The following RNASEH2B variants were observed in gnomAD, a reference collection of about 807,000 sequenced individuals.
RNASEH2B encodes the protein ribonuclease H2 subunit B.
A neutral mutation model predicts 45.0 loss-of-function variants in RNASEH2B; 36 were observed. That is an observed-to-expected ratio of 0.80 (90% CI 0.61 to 1.06). The LOEUF (loss-of-function observed/expected upper bound fraction) is 1.06. Among genes scored for constraint, RNASEH2B ranks in the 50% least tolerant of loss-of-function variants. The pLI is 0.00. For synonymous variants in RNASEH2B, 119 were observed against 125.7 expected, an observed-to-expected ratio of 0.95 and a Z score of 0.35; for missense variants, 361 against 360.3, an observed-to-expected ratio of 1.00 and a Z score of -0.02.
downstream of RNASEH2B, among the ~76,000 whole-genome samples, chr13:50,957,013 C>A (rs1035603598): frequency 4.0e-5 from 6 of 151,204 alleles, no homozygotes; most frequent in African/African-American, 1.5e-4. Context: ...ACTTCAATCT[C>A]CCATTTCTTC....
Position 50,909,867 on chromosome 13 carries a change from G to C in RNASEH2B, c.-210G>C, listed in dbSNP as rs112702177. On this transcript the variant is annotated 5_prime_UTR_variant, in exon 1 of 11. Coordinates refer to ENST00000336617, the MANE Select transcript of RNASEH2B (RefSeq NM_024570.4). Reference sequence around the variant, plus strand: ...CACCGGCCGGCATTCAGAGCCCCTCGCCTGGCGCTAAATTTAAAAACGTAA... The same window carrying C: ...CACCGGCCGGCATTCAGAGCCCCTCCCCTGGCGCTAAATTTAAAAACGTAA... 11,821 of 433,218 alleles carry C rather than the reference G, an allele frequency of 0.027. 203 individuals are homozygous for C. Among genetic ancestry groups the C allele is most frequent in the South Asian group, 0.049 (1,121 of 23,084 alleles). 26.8% of individuals were successfully genotyped at this position (433,218 alleles called of 1,614,324 possible). A position where few individuals can be genotyped will look rare whatever the true frequency, so the allele number is the denominator to read the frequency against.
chr13:50,920,397 G>A (rs994860185), intron 1 of RNASEH2B, among the ~76,000 whole-genome samples: 1 of 152,130 alleles, frequency 6.6e-6, no homozygotes, highest in African/African-American at 2.4e-5. Context: ...AATGGTGACC[G>A]GTGGGATATA....
chr13:50,937,594 T>C (rs180903604), intron 5 of RNASEH2B: 7 of 152,256 alleles, frequency 4.6e-5, no homozygotes, highest in African/African-American at 1.4e-4. Context: ...TAAGAAGATA[T>C]TGGAAAATCA....
At chr13:50,910,193 C>T in intron 1 of RNASEH2B, 53 bp downstream of exon 1, 1 of 1,284,998 alleles carries the variant, frequency 7.8e-7, no homozygotes, top group Non-Finnish European at 1.0e-6. Context: ...GCGGAGCGGC[C>T]CGCGACCCCG....
In RNASEH2B at chr13:50,943,409, T is replaced by C; in HGVS notation, c.510+15T>C. The C allele has an allele frequency of 6.4e-7, 1 of 1,554,402 alleles. No homozygotes were observed. The highest frequency in any genetic ancestry group is 8.9e-7 in the Non-Finnish European group (1 of 1,125,600). ...TGGAAAAAAAGGTATAGTTCCTCTC[T>C]AGTGCCTTGTGGTAAAAGTAAAAAT... On this transcript the variant is annotated intron_variant, in intron 6 of 10. Coordinates refer to ENST00000336617, the MANE Select transcript of RNASEH2B (RefSeq NM_024570.4).
At chr13:50,912,727 T>TA (rs1735065464) in intron 1 of RNASEH2B, 1 of 152,184 alleles carries the variant, frequency 6.6e-6, no homozygotes, top group Admixed American at 6.5e-5. Context: ...TTTTCAAAAG[T>TA]ATTTGGCGGA....
intron 9 of RNASEH2B, 136 bp from the exon 10 acceptor site, chr13:50,953,769 A>C: frequency 3.0e-6 from 2 of 662,708 alleles, no homozygotes; most frequent in Non-Finnish European, 5.4e-6. Context: ...AGCCTGTAAA[A>C]AGTAAGCCCT....
chr13:50,956,248 A>C (rs1321139098), intron 10 of RNASEH2B, 110 bp from the exon 11 acceptor site: 7 of 871,396 alleles, frequency 8.0e-6, no homozygotes, highest in Non-Finnish European at 1.3e-5. Context: ...TTAGTGGGGG[A>C]TGCTTACCTT....
exon 10 of RNASEH2B, chr13:50,970,410 G>A (rs572999385): frequency 7.9e-5 from 23 of 292,358 alleles, no homozygotes; most frequent in South Asian, 2.7e-4. Context: ...ATACCTAAAC[G>A]TTGGCATTTT....
chr13:50,922,678 G>A (rs1311138287), intron 1 of RNASEH2B, among the ~76,000 whole-genome samples: 1 of 152,210 alleles, frequency 6.6e-6, no homozygotes, highest in East Asian at 1.9e-4. Context: ...AAATCCTGGG[G>A]AGTTGGGAGA....
At chr13:50,960,240 T>G (rs543278047), downstream of RNASEH2B, 9 of 628,894 alleles carry the variant, frequency 1.4e-5, no homozygotes, top group Non-Finnish European at 2.0e-5. Flanking sequence ...ATGGAAAAAT[T>G]TTCCATTTTA....
At chr13:50,930,925 A>G (rs1951673980) in intron 4 of RNASEH2B, 166 bp downstream of exon 4, 3 of 670,472 alleles carry the variant, frequency 4.5e-6, no homozygotes, top group Admixed American at 2.1e-5. Context: ...ACAGAGCACT[A>G]CTGCACAGGC....
exon 10 of RNASEH2B, chr13:50,970,097 G>A (rs1197025634): frequency 3.7e-6 from 3 of 809,956 alleles, no homozygotes; most frequent in South Asian, 3.0e-5. Flanking sequence ...AGCGCTGACT[G>A]TAAATGCTTT....
chr13:50,944,785 T>C (rs2038718), intron 6 of RNASEH2B, among the ~76,000 whole-genome samples: 59,203 of 151,992 alleles, frequency 0.39, 13,232 homozygotes, highest in African/African-American at 0.61. Context: ...TTTCATTTTT[T>C]ATTTGTGATA....
chr13:50,969,594 AT>A (rs927693519), intron 9 of RNASEH2B, among the ~76,000 whole-genome samples: 4 of 150,672 alleles, frequency 2.7e-5, no homozygotes, highest in African/African-American at 9.8e-5. Flanking sequence ...CATTTCTTGT[AT>A]TTTATTTTTT....
At chr13:50,920,761 TCAAAAC>T (rs1290905716) in intron 1 of RNASEH2B, among the ~76,000 whole-genome samples, 1 of 152,222 alleles carries the variant, frequency 6.6e-6, no homozygotes, top group Admixed American at 6.5e-5. Context: ...TCTTTTAGTA[TCAAAAC>T]TTGCTTTTAT....
At chr13:50,941,981 A>G (rs1394171911) in intron 5 of RNASEH2B, 2 of 152,142 alleles carry the variant, frequency 1.3e-5, no homozygotes, top group Non-Finnish European at 2.9e-5. Flanking sequence ...GGACCTCCCA[A>G]CCTCTCTCCC....
intron 1 of RNASEH2B, among the ~76,000 whole-genome samples, chr13:50,925,047 C>A (rs562731336): frequency 4.2e-4 from 64 of 152,064 alleles, no homozygotes; most frequent in African/African-American, 1.5e-3. Context: ...TATTAAAATG[C>A]ATAAAGTTGT....
At chr13:50,935,811 G>A (rs1172236702) in intron 5 of RNASEH2B, 1 of 152,706 alleles carries the variant, frequency 6.5e-6, no homozygotes, top group African/African-American at 2.4e-5. Flanking sequence ...TGTGTGTTTG[G>A]ACTTTGCTTA....
Sources: allele counts gnomAD v4.1 joint callset (sites outside exome capture counted in the v4.1 genomes callset), GRCh38; gene constraint gnomAD v4.1.1; transcripts MANE v1.5; gene names NCBI Gene and HGNC (gene_info 2026-07-23, HGNC 2026-07-21).